The following NELL1 variants were observed in gnomAD, a reference collection of about 807,000 sequenced individuals.
The protein encoded by NELL1 is neural EGFL like 1.
In NELL1, 76 loss-of-function variants were observed where a neutral mutation model predicts 107.4. The ratio of observed to expected loss-of-function variants is 0.71; its 90% confidence interval spans 0.59 to 0.86. The LOEUF (loss-of-function observed/expected upper bound fraction) is 0.86. NELL1 is among the 40% of genes least tolerant of loss of function. The pLI is 0.00. For synonymous variants in NELL1, 353 were observed against 341.2 expected, an observed-to-expected ratio of 1.03 and a Z score of -0.38; for missense variants, 1,024 against 1,005.5, an observed-to-expected ratio of 1.02 and a Z score of -0.25.
At chr11:20,817,111 G>T (rs1177831358) in intron 3 of NELL1, among the ~76,000 whole-genome samples, 1 of 151,966 alleles carries the variant, frequency 6.6e-6, no homozygotes, top group African/African-American at 2.4e-5. Context: ...ATTTTTTGTT[G>T]TGTCTTTGCC....
At chr11:21,422,944 G>T (rs1852723811) in intron 15 of NELL1, among the ~76,000 whole-genome samples, 1 of 152,070 alleles carries the variant, frequency 6.6e-6, no homozygotes, top group South Asian at 2.1e-4. Context: ...CTGTCTACAA[G>T]AGACTCATTA....
Position 20,762,936 on chromosome 11 carries a change from C to T in NELL1, c.185-20744C>T, listed in dbSNP as rs532600146. Among the ~76,000 whole-genome samples the T allele has an allele frequency of 3.3e-5, 5 of 152,188 alleles. No individual in the cohort carries two copies. In the East Asian group the frequency reaches 9.7e-4, roughly 29 times the overall value. Reference sequence around the variant, plus strand: ...CAGCACGGGGTTGAAGAAAGACACTCGTCCTGTTGGTTTACATCATGAATT... The same window carrying T: ...CAGCACGGGGTTGAAGAAAGACACTTGTCCTGTTGGTTTACATCATGAATT... On this transcript the variant is annotated intron_variant, in intron 2 of 19. Coordinates refer to ENST00000357134, the MANE Select transcript of NELL1 (RefSeq NM_006157.5).
At chr11:21,210,032 G>C (rs1337955214) in intron 13 of NELL1, among the ~76,000 whole-genome samples, 2 of 151,988 alleles carry the variant, frequency 1.3e-5, no homozygotes, top group Non-Finnish European at 2.9e-5. Flanking sequence ...GTGATTTTGA[G>C]GTTCGTCTAT....
chr11:21,535,431 G>GT (rs1554930670), intron 16 of NELL1, among the ~76,000 whole-genome samples: 5 of 151,844 alleles, frequency 3.3e-5, no homozygotes, highest in Admixed American at 6.6e-5. Context: ...AGGGTATATT[G>GT]TTTTTTTTCT....
At chr11:20,817,629 A>C (rs1174088978) in intron 3 of NELL1, among the ~76,000 whole-genome samples, 5 of 151,564 alleles carry the variant, frequency 3.3e-5, no homozygotes, top group Non-Finnish European at 5.9e-5. Context: ...CCTGGATCTC[A>C]ATTTCCTTTA....
intron 2 of NELL1, among the ~76,000 whole-genome samples, chr11:20,760,608 G>A (rs2133956952): frequency 6.6e-6 from 1 of 152,338 alleles, no homozygotes; most frequent in Non-Finnish European, 1.5e-5. Context: ...GGAGGACAGA[G>A]AGGGAATGAT....
chr11:20,968,971 A>G (rs989792070), intron 12 of NELL1, among the ~76,000 whole-genome samples: 2 of 152,278 alleles, frequency 1.3e-5, no homozygotes, highest in South Asian at 2.1e-4. Flanking sequence ...GGAAAGAAAA[A>G]TCTGTTTTGG....
chr11:21,071,570 C>CT (rs1211012193), intron 12 of NELL1, among the ~76,000 whole-genome samples: 1 of 152,198 alleles, frequency 6.6e-6, no homozygotes, highest in African/African-American at 2.4e-5. Context: ...CTTCAATGCC[C>CT]TTTTCATATC....
chr11:20,801,735 C>T (rs1242970209), intron 3 of NELL1, among the ~76,000 whole-genome samples: 1 of 152,130 alleles, frequency 6.6e-6, no homozygotes, highest in Non-Finnish European at 1.5e-5. Context: ...GTCTTTAATG[C>T]ATTTTGATTT....
intron 2 of NELL1, among the ~76,000 whole-genome samples, chr11:20,771,728 C>A (rs763848548): frequency 1.3e-5 from 2 of 152,180 alleles, no homozygotes; most frequent in African/African-American, 4.8e-5. Flanking sequence ...TTAATACAAG[C>A]TTATTCAGAA....
intron 14 of NELL1, among the ~76,000 whole-genome samples, chr11:21,275,602 GA>G (rs1308803173): frequency 3.9e-5 from 6 of 152,168 alleles, no homozygotes; most frequent in African/African-American, 1.4e-4. Context: ...AACAAAAAAA[GA>G]GAATTTTAGA....
At chr11:21,178,123 G>A (rs1401282745) in intron 13 of NELL1, among the ~76,000 whole-genome samples, 2 of 151,372 alleles carry the variant, frequency 1.3e-5, no homozygotes, top group Non-Finnish European at 2.9e-5. Context: ...TTCTTTCTTA[G>A]ACACTAATAT....
At chr11:20,761,256 G>A (rs563297859) in intron 2 of NELL1, among the ~76,000 whole-genome samples, 28 of 152,268 alleles carry the variant, frequency 1.8e-4, no homozygotes, top group African/African-American at 6.3e-4. Flanking sequence ...CACCCCCTCA[G>A]GAACTATAGC....
intron 14 of NELL1, among the ~76,000 whole-genome samples, chr11:21,288,636 A>G (rs1849182197): frequency 6.6e-6 from 1 of 152,186 alleles, no homozygotes. Flanking sequence ...AATAAAGGTA[A>G]ATGTGTACCT....
At chr11:20,762,362 T>A (rs536061489) in intron 2 of NELL1, among the ~76,000 whole-genome samples, 1 of 152,212 alleles carries the variant, frequency 6.6e-6, no homozygotes, top group African/African-American at 2.4e-5. Context: ...ACTGAGCACG[T>A]CTGCGGTTAC....
At chr11:21,073,680 G>C (rs1158433158) in intron 12 of NELL1, among the ~76,000 whole-genome samples, 1 of 152,094 alleles carries the variant, frequency 6.6e-6, no homozygotes, top group Non-Finnish European at 1.5e-5. Context: ...AGTCAGGGAA[G>C]GCTTCCTGGA....
chr11:21,275,799 C>G (rs925410919), intron 14 of NELL1, among the ~76,000 whole-genome samples: 1 of 152,106 alleles, frequency 6.6e-6, no homozygotes, highest in Non-Finnish European at 1.5e-5. Flanking sequence ...ATGACAAAAA[C>G]CATATGATTA....
At chr11:20,972,451 A>T (rs182467009) in intron 12 of NELL1, among the ~76,000 whole-genome samples, 46 of 152,224 alleles carry the variant, frequency 3.0e-4, no homozygotes, top group Non-Finnish European at 1.5e-5. Context: ...TACAGTGACT[A>T]TGATGAATGC....
At chr11:21,011,672 C>T (rs1012485975) in intron 12 of NELL1, among the ~76,000 whole-genome samples, 14 of 152,118 alleles carry the variant, frequency 9.2e-5, no homozygotes, top group Non-Finnish European at 1.5e-4. Context: ...CTTCCATGAA[C>T]GGAGATCTTA....
Sources: gnomAD v4.1 joint callset for allele counts (sites outside exome capture counted in the v4.1 genomes callset) on GRCh38, gnomAD v4.1.1 for gene constraint, MANE v1.5 for transcripts, NCBI Gene and HGNC (gene_info 2026-07-23, HGNC 2026-07-21) for gene names.